KCNK4: variants seen among roughly 807,000 people sequenced by gnomAD.
KCNK4 encodes the protein potassium two pore domain channel subfamily K member 4.
In KCNK4, 22 loss-of-function variants were observed where a neutral mutation model predicts 28.8. That is an observed-to-expected ratio of 0.76 (90% CI 0.55 to 1.09). The LOEUF is 1.09. KCNK4 is among the 50% of genes least tolerant of loss of function. The pLI, the probability that KCNK4 is intolerant of heterozygous loss-of-function variation, is 0.00. For synonymous variants in KCNK4, 263 were observed against 252.9 expected (o/e 1.04, Z -0.38); for missense variants, 483 against 546.3 (o/e 0.88, Z 1.15).
intron 2 of KCNK4, 59 bp from the exon 3 acceptor site, chr11:64,296,819 G>A (rs560851307): frequency 1.0e-4 from 154 of 1,467,194 alleles, no homozygotes; most frequent in East Asian, 1.7e-4. Context: ...GAGGGGCCAC[G>A]AGTTGCCCTA....
rs1286520431 is a variant in KCNK4 at position 64,297,589 on chromosome 11, G to C, written c.597G>C (p.Lys199Asn). The change falls in exon 5 of 7, where the codon AAG becomes AAC. Residue 199 changes from lysine to asparagine, a missense_variant. Lys to Asn is a moderately conservative substitution (Grantham distance 94). Transcript: ENST00000422670. The stretch of plus-strand genomic sequence containing the variant: ...TCTGCTATATGGAGGACTGGAGCAA[G>C]CTGGAGGCCATCTACTTTGTCATAG... ...FVFCYMEDWS[K>N]LEAIYFVIVT... is the part of the protein sequence containing the mutation. The C allele has an allele frequency of 3.7e-6, 6 of 1,614,184 alleles. No individual in the cohort carries two copies. Among genetic ancestry groups the C allele is most frequent in the Non-Finnish European group, 5.1e-6 (6 of 1,180,018 alleles).
At chr11:64,294,045 C>T (rs2034705884) in intron 2 of KCNK4, among the ~76,000 whole-genome samples, 1 of 152,164 alleles carries the variant, frequency 6.6e-6, no homozygotes, top group Middle Eastern at 3.2e-3. Flanking sequence ...CACCCCCTCC[C>T]CCTGGAAAAG....
chr11:64,299,266 C>A, intron 6 of KCNK4, 80 bp from the exon 7 acceptor site: 2 of 1,297,616 alleles, frequency 1.5e-6, no homozygotes, highest in Non-Finnish European at 1.0e-6. Context: ...TTGATCCCTG[C>A]TGGTGAAGGG....
rs199639001 is a variant in KCNK4, at chr11:64,297,107, C to T, written c.314-12C>T. The stretch of plus-strand genomic sequence containing the variant: ...GTGGCCCCTAGACTTCCTGCATCGC[C>T]CCTCTGCCCAGGCTATGGCAATGTG... On this transcript the variant is annotated splice_polypyrimidine_tract_variant and intron_variant, in intron 3 of 6. Transcript: ENST00000422670. The T allele has an allele frequency of 1.4e-3, 2,223 of 1,614,124 alleles. 36 individuals carry two copies. The South Asian group carries it at 0.023, about 17-fold the overall frequency.
chr11:64,293,036 C>G lies in KCNK4; in HGVS notation c.18C>G (p.Leu6=), dbSNP rs1262952070. 1 of 1,547,394 alleles carries G rather than the reference C, an allele frequency of 6.5e-7. No homozygotes were observed. The highest frequency in any genetic ancestry group is 1.4e-5 in the African/African-American group (1 of 72,928). ...GGCGCGCCATGCGCAGCACCACGCT[C>G]CTGGCCCTGCTGGCGCTGGTCTTGC... MRSTT[L]LALLALVLLY... is the part of the protein sequence containing the mutation. The change falls in exon 2 of 7, where the codon CTC becomes CTG. Residue 6 remains leucine (L), a synonymous_variant. Transcript: ENST00000422670.
chr11:64,298,065 T>C, intron 5 of KCNK4, 45 bp from the exon 6 acceptor site: 1 of 1,601,472 alleles, frequency 6.2e-7, no homozygotes, highest in East Asian at 2.2e-5. Context: ...CTCACAGGCT[T>C]GCCCCACAAT....
intron 1 of KCNK4, chr11:64,291,919 C>T: frequency 1.5e-6 from 1 of 656,364 alleles, no homozygotes; most frequent in South Asian, 2.8e-5. Context: ...GGTCCCGCCG[C>T]CCGCCACGCT....
At chr11:64,293,710 C>T (rs1007710192) in intron 2 of KCNK4, among the ~76,000 whole-genome samples, 1 of 152,136 alleles carries the variant, frequency 6.6e-6, no homozygotes, top group African/African-American at 2.4e-5. Flanking sequence ...AAGTGATTCT[C>T]CTGCCTCAGC....
chr11:64,295,372 A>T, intron 2 of KCNK4, among the ~76,000 whole-genome samples: 1 of 152,106 alleles, frequency 6.6e-6, no homozygotes, highest in East Asian at 1.9e-4. Flanking sequence ...GGGGCAAGAG[A>T]TGCCCATGTG....
At chr11:64,298,323 C>T (rs1028699169) in intron 6 of KCNK4, 74 bp downstream of exon 6, 1 of 1,569,170 alleles carries the variant, frequency 6.4e-7, no homozygotes, top group Non-Finnish European at 8.6e-7. Context: ...GGGGGTTGAT[C>T]AGGCTGTCTC....
chr11:64,298,390 G>C, intron 6 of KCNK4, 141 bp downstream of exon 6: 7 of 1,013,460 alleles, frequency 6.9e-6, no homozygotes, highest in Non-Finnish European at 1.0e-5. Flanking sequence ...TGTGTGCCCC[G>C]CAGGGAACAG....
Position 64,297,104 on chromosome 11 carries a change from C to T in KCNK4, c.314-15C>T, listed in dbSNP as rs778314179. 22 of 1,613,904 alleles carry T rather than the reference C, an allele frequency of 1.4e-5. No individual in the cohort carries two copies. The highest frequency in any genetic ancestry group is 7.7e-5 in the South Asian group (7 of 91,080). On this transcript the variant is annotated splice_polypyrimidine_tract_variant and intron_variant, in intron 3 of 6. Coordinates refer to ENST00000422670, the MANE Select transcript of KCNK4 (RefSeq NM_033310.3). ...CAGGTGGCCCCTAGACTTCCTGCAT[C>T]GCCCCTCTGCCCAGGCTATGGCAAT...
At chr11:64,291,649 G>C (rs891991570) in intron 1 of KCNK4, 83 bp downstream of exon 1, 6 of 151,872 alleles carry the variant, frequency 4.0e-5, no homozygotes, top group Admixed American at 3.9e-4. Context: ...GCGGGAGGAG[G>C]GGGGCTTCTG....
chr11:64,297,582 G>A lies in KCNK4; in HGVS notation c.590G>A (p.Trp197Ter). Residue 197 changes from tryptophan (W) to a stop codon, truncating the protein, a stop_gained, in exon 5 of 7, where the codon TGG becomes TAG. Transcript: ENST00000422670. LOFTEE classifies it high-confidence loss of function. ...TTCGTGTTCTGCTATATGGAGGACTGGAGCAAGCTGGAGGCCATCTACTTT... is the reference window on the plus strand; with the variant it reads ...TTCGTGTTCTGCTATATGGAGGACTAGAGCAAGCTGGAGGCCATCTACTTT... ...PTFVFCYMEDWSKLEAIYFVI... is the reference protein window; with the variant it reads ...PTFVFCYMED 6.2e-7 allele frequency: 1 copy of A among 1,614,182 alleles called. No individual in the cohort carries two copies. Among genetic ancestry groups the A allele is most frequent in the Non-Finnish European group, 8.5e-7 (1 of 1,180,022 alleles).
chr11:64,293,436 A>G (rs2034690219), intron 2 of KCNK4, among the ~76,000 whole-genome samples: 1 of 151,356 alleles, frequency 6.6e-6, no homozygotes, highest in Non-Finnish European at 1.5e-5. Flanking sequence ...TGCACCTATA[A>G]TGTCTCCTTC....
chr11:64,293,403 C>T (rs2034689601), intron 2 of KCNK4, among the ~76,000 whole-genome samples, 196 bp downstream of exon 2: 1 of 152,142 alleles, frequency 6.6e-6, no homozygotes, highest in Non-Finnish European at 1.5e-5. Context: ...ATTTGTTTTC[C>T]TGGAGAGCCT....
chr11:64,294,328 G>A (rs1243823643), intron 2 of KCNK4, among the ~76,000 whole-genome samples: 2 of 151,952 alleles, frequency 1.3e-5, no homozygotes, highest in African/African-American at 2.4e-5. Flanking sequence ...GACCAGCCTG[G>A]CCAATGTGGC....
chr11:64,291,927 G>A (rs984634773), intron 1 of KCNK4: 2 of 713,338 alleles, frequency 2.8e-6, no homozygotes, highest in Non-Finnish European at 3.6e-6. Context: ...CGCCCGCCAC[G>A]CTCCGAGGCG....
chr11:64,292,761 G>C, intron 1 of KCNK4, 181 bp from the exon 2 acceptor site: 1 of 530,564 alleles, frequency 1.9e-6, no homozygotes, highest in Non-Finnish European at 2.9e-6. Context: ...CTGAGGGCCG[G>C]GCAGCGGAGG....
Sources: allele counts gnomAD v4.1 joint callset (sites outside exome capture counted in the v4.1 genomes callset), GRCh38; gene constraint gnomAD v4.1.1; transcripts MANE v1.5; gene names NCBI Gene and HGNC (gene_info 2026-07-23, HGNC 2026-07-21).